The following BMAL2 variants were observed in gnomAD, a reference collection of about 807,000 sequenced individuals.
BMAL2 encodes basic helix-loop-helix ARNT-like protein 2.
chr12:27,389,792 AG>A, the BMAL2 span: 2 of 235,930 alleles, frequency 8.5e-6, no homozygotes, highest in East Asian at 9.5e-5. Context: ...GTAATAGTTA[AG>A]GTTTTTTTCA....
the BMAL2 span, among the ~76,000 whole-genome samples, chr12:27,362,363 T>C: frequency 6.6e-6 from 1 of 152,200 alleles, no homozygotes; most frequent in Admixed American, 6.5e-5. Context: ...TCTTGGGATG[T>C]TGTAGACTGG....
At chr12:27,349,581 AT>A in the BMAL2 span, among the ~76,000 whole-genome samples, 1 of 152,170 alleles carries the variant, frequency 6.6e-6, no homozygotes, top group Non-Finnish European at 1.5e-5. Flanking sequence ...CTGACCATTT[AT>A]ATGAGGATGG....
At chr12:27,405,809 A>G in the BMAL2 span, among the ~76,000 whole-genome samples, 1 of 152,232 alleles carries the variant, frequency 6.6e-6, no homozygotes, top group Non-Finnish European at 1.5e-5. Context: ...TAAAGGAGGA[A>G]GTTTGAACCC....
the BMAL2 span, among the ~76,000 whole-genome samples, chr12:27,343,772 A>G: frequency 3.9e-5 from 6 of 152,206 alleles, no homozygotes; most frequent in African/African-American, 1.4e-4. Flanking sequence ...TGGATTAGGT[A>G]TAATGCCTAT....
At chr12:27,408,751 A>G in the BMAL2 span, among the ~76,000 whole-genome samples, 1 of 152,212 alleles carries the variant, frequency 6.6e-6, no homozygotes, top group South Asian at 2.1e-4. Flanking sequence ...CAGGGCAATA[A>G]GGAAGGAGAA....
chr12:27,338,270 G>A, the BMAL2 span, among the ~76,000 whole-genome samples: 1 of 152,194 alleles, frequency 6.6e-6, no homozygotes, highest in Non-Finnish European at 1.5e-5. Flanking sequence ...AATCTATTAG[G>A]CTGGGTGAGA....
chr12:27,368,325 G>A, the BMAL2 span: 112 of 1,614,054 alleles, frequency 6.9e-5, no homozygotes, highest in Admixed American at 4.5e-4. Context: ...GTGAGTCCAG[G>A]GACAAGACCA....
At chr12:27,398,121 A>ACCACC in the BMAL2 span, among the ~76,000 whole-genome samples, 1 of 152,110 alleles carries the variant, frequency 6.6e-6, no homozygotes, top group Non-Finnish European at 1.5e-5. Context: ...GTTTCCTGGG[A>ACCACC]CCACCCCTCA....
chr12:27,390,502 A>G, the BMAL2 span: 1 of 329,970 alleles, frequency 3.0e-6, no homozygotes, highest in Non-Finnish European at 5.5e-6. Flanking sequence ...ATCAAGTGGG[A>G]AAAAAATGAC....
At chr12:27,355,886 C>T in the BMAL2 span, among the ~76,000 whole-genome samples, 1 of 152,202 alleles carries the variant, frequency 6.6e-6, no homozygotes, top group Non-Finnish European at 1.5e-5. Context: ...CCTTTCTCAC[C>T]TCATATGTGA....
chr12:27,396,524 G>T, the BMAL2 span, among the ~76,000 whole-genome samples: 1 of 152,170 alleles, frequency 6.6e-6, no homozygotes. Context: ...TACTAGAGTT[G>T]CTTCCTAGAT....
At chr12:27,411,276 C>T in the BMAL2 span, among the ~76,000 whole-genome samples, 3 of 151,852 alleles carry the variant, frequency 2.0e-5, no homozygotes, top group Non-Finnish European at 4.4e-5. Context: ...TACAGGGGCA[C>T]ACCACCACAC....
At chr12:27,414,355 C>G in the BMAL2 span, among the ~76,000 whole-genome samples, 1 of 152,262 alleles carries the variant, frequency 6.6e-6, no homozygotes, top group East Asian at 1.9e-4. Flanking sequence ...AATACACGTT[C>G]TTTTCAAGTG....
At chr12:27,381,342 A>C in the BMAL2 span, among the ~76,000 whole-genome samples, 1 of 152,142 alleles carries the variant, frequency 6.6e-6, no homozygotes, top group African/African-American at 2.4e-5. Flanking sequence ...ATTTATAATG[A>C]AAAGAAGTTT....
the BMAL2 span, among the ~76,000 whole-genome samples, chr12:27,366,569 G>A: frequency 1.3e-4 from 20 of 152,154 alleles, 1 homozygote; most frequent in East Asian, 1.3e-3. Flanking sequence ...GGTTATTTTG[G>A]TTCAGTTATT....
At chr12:27,354,478 C>T in the BMAL2 span, among the ~76,000 whole-genome samples, 1 of 152,102 alleles carries the variant, frequency 6.6e-6, no homozygotes, top group Non-Finnish European at 1.5e-5. Context: ...ACTGTGCTCC[C>T]TACCTGGGTA....
At chr12:27,398,214 A>T in the BMAL2 span, among the ~76,000 whole-genome samples, 2 of 152,222 alleles carry the variant, frequency 1.3e-5, no homozygotes, top group Non-Finnish European at 2.9e-5. Context: ...CCAAGTTGAG[A>T]GACCTAGCCT....
At chr12:27,416,017 T>G in the BMAL2 span, 2 of 1,118,592 alleles carry the variant, frequency 1.8e-6, no homozygotes, top group South Asian at 2.9e-5. Flanking sequence ...TGTTGATTAT[T>G]TCTTTTAAGA....
chr12:27,372,874 C>T, the BMAL2 span, among the ~76,000 whole-genome samples: 2,000 of 152,122 alleles, frequency 0.013, 26 homozygotes, highest in Non-Finnish European at 0.023. Context: ...GGGATTTGAC[C>T]GTATTAGCCA....
Sources: gnomAD v4.1 joint callset for allele counts (sites outside exome capture counted in the v4.1 genomes callset) on GRCh38, gnomAD v4.1.1 for gene constraint, MANE v1.5 for transcripts, NCBI Gene and HGNC (gene_info 2026-07-23, HGNC 2026-07-21) for gene names.